The following SNX4 variants were observed in gnomAD, a reference collection of about 807,000 sequenced individuals.
SNX4 encodes the protein sorting nexin 4.
SNX4 carries 49 observed loss-of-function variants against 70.8 expected under a neutral mutation model. That is an observed-to-expected ratio of 0.69 (90% CI 0.55 to 0.88). The LOEUF is 0.88. Ranked by LOEUF, SNX4 falls within the 40% of genes least tolerant of loss-of-function variation. SNX4 has a pLI of 0.00. For missense variants in SNX4, 528 were observed against 544.8 expected, an observed-to-expected ratio of 0.97 and a Z score of 0.31; for synonymous variants, 206 against 183.8, an observed-to-expected ratio of 1.12 and a Z score of -0.98.
At chr3:125,460,736 C>T (rs746482605) in intron 10 of SNX4, 35 bp downstream of exon 10, 13 of 1,065,430 alleles carry the variant, frequency 1.2e-5, no homozygotes, top group South Asian at 4.8e-5. Flanking sequence ...GGTGAACAAC[C>T]CTGTGGCTGC....
chr3:125,452,136 C>G (rs966987564), intron 12 of SNX4, among the ~76,000 whole-genome samples: 1 of 151,112 alleles, frequency 6.6e-6, no homozygotes, highest in Non-Finnish European at 1.5e-5. Flanking sequence ...GACCAAGTCT[C>G]GCTCTGTAGC....
chr3:125,494,896 C>T (rs966581653), intron 5 of SNX4, among the ~76,000 whole-genome samples: 17 of 152,104 alleles, frequency 1.1e-4, no homozygotes, highest in African/African-American at 3.6e-4. Context: ...ACCCATTCTG[C>T]GATGTGTGAC....
chr3:125,461,431 A>C (rs1179638013), intron 9 of SNX4, among the ~76,000 whole-genome samples: 2 of 152,202 alleles, frequency 1.3e-5, no homozygotes, highest in Non-Finnish European at 2.9e-5. Flanking sequence ...TAAACAAACA[A>C]AAAAATGGTC....
At chr3:125,519,099 G>T (rs1935341235) in intron 1 of SNX4, among the ~76,000 whole-genome samples, 1 of 152,138 alleles carries the variant, frequency 6.6e-6, no homozygotes, top group Admixed American at 6.5e-5. Context: ...GCTGAGGCAG[G>T]AGGATTGTTT....
At chr3:125,488,291 C>T (rs1055177770) in intron 6 of SNX4, among the ~76,000 whole-genome samples, 1 of 150,052 alleles carries the variant, frequency 6.7e-6, no homozygotes, top group Non-Finnish European at 1.5e-5. Flanking sequence ...GCCTGGCTAA[C>T]ACGGCAAAAC....
At chr3:125,477,236 G>A (rs1286382875) in intron 7 of SNX4, among the ~76,000 whole-genome samples, 1 of 152,104 alleles carries the variant, frequency 6.6e-6, no homozygotes, top group East Asian at 1.9e-4. Context: ...AATTAACCAA[G>A]GGAACGGATA....
At chr3:125,479,542 G>T (rs1348877446) in intron 7 of SNX4, among the ~76,000 whole-genome samples, 2 of 151,482 alleles carry the variant, frequency 1.3e-5, no homozygotes, top group African/African-American at 4.9e-5. Flanking sequence ...GTGACAGAGC[G>T]AGACTCCATC....
intron 9 of SNX4, among the ~76,000 whole-genome samples, chr3:125,466,075 T>G (rs898379913): frequency 6.6e-6 from 1 of 152,250 alleles, no homozygotes; most frequent in African/African-American, 2.4e-5. Context: ...TAGTTTTCAC[T>G]GTAGAGGTCT....
At chr3:125,455,392 A>T (rs1050487549) in intron 11 of SNX4, among the ~76,000 whole-genome samples, 9 of 152,246 alleles carry the variant, frequency 5.9e-5, no homozygotes, top group African/African-American at 2.2e-4. Flanking sequence ...AAGCATATTT[A>T]AAATCTGCAT....
At chr3:125,481,041 A>G (rs78206738) in intron 6 of SNX4, among the ~76,000 whole-genome samples, 7,316 of 152,166 alleles carry the variant, frequency 0.048, 414 homozygotes, top group African/African-American at 0.13. Flanking sequence ...CAACACACCC[A>G]GCTATTAACA....
intron 10 of SNX4, among the ~76,000 whole-genome samples, chr3:125,457,572 CTT>C (rs1005344428): frequency 2.1e-4 from 23 of 110,418 alleles, no homozygotes; most frequent in South Asian, 9.6e-4. Context: ...TTCATATATT[CTT>C]TTTTTTTTTT....
At chr3:125,502,445 A>G (rs1934949286) in intron 2 of SNX4, among the ~76,000 whole-genome samples, 1 of 152,090 alleles carries the variant, frequency 6.6e-6, no homozygotes, top group Non-Finnish European at 1.5e-5. Flanking sequence ...ATCTTCACCA[A>G]GATTTAAACT....
At chr3:125,482,359 C>T (rs1285956350) in intron 6 of SNX4, among the ~76,000 whole-genome samples, 1 of 152,188 alleles carries the variant, frequency 6.6e-6, no homozygotes, top group African/African-American at 2.4e-5. Context: ...AGAATGAAAA[C>T]CTGAGTGCAT....
At chr3:125,507,074 C>A (rs901978513) in intron 1 of SNX4, among the ~76,000 whole-genome samples, 1 of 149,570 alleles carries the variant, frequency 6.7e-6, no homozygotes, top group Non-Finnish European at 1.5e-5. Flanking sequence ...TGGTGGCGGG[C>A]GCTTGTAATC....
intron 10 of SNX4, among the ~76,000 whole-genome samples, chr3:125,459,060 G>C (rs1933808441): frequency 6.6e-6 from 1 of 152,054 alleles, no homozygotes; most frequent in Non-Finnish European, 1.5e-5. Flanking sequence ...TGTAATCCCA[G>C]CTGCTTGGGA....
chr3:125,465,803 C>T (rs970893397), intron 9 of SNX4, among the ~76,000 whole-genome samples: 4 of 151,990 alleles, frequency 2.6e-5, no homozygotes, highest in African/African-American at 4.8e-5. Context: ...CCACCACACC[C>T]GGCTAATTTT....
chr3:125,474,392 A>G (rs753132260), intron 8 of SNX4, among the ~76,000 whole-genome samples: 20 of 152,222 alleles, frequency 1.3e-4, no homozygotes, highest in Non-Finnish European at 2.2e-4. Flanking sequence ...ATCATAGCTC[A>G]CTATAACCTT....
rs375551326 is a variant in SNX4, at chr3:125,460,780, T to C, written c.935A>G (p.Glu312Gly). The C allele has an allele frequency of 1.4e-5, 22 of 1,536,016 alleles. No homozygotes were observed. The highest frequency in any genetic ancestry group is 1.7e-5 in the Non-Finnish European group (19 of 1,135,524). The change falls in exon 10 of 14, where the codon GAA (glutamate) becomes GGA (glycine). Residue 312 changes from glutamate (E) to glycine (G), a missense_variant. Around this residue, in one of 3 missense-constraint regions of SNX4, gnomAD observed 159 missense variants for 172.6 expected, o/e 0.92. Transcript: ENST00000251775. ...DQLKEYLFYAEALRAVCRKHE... is the reference protein window; with the variant it reads ...DQLKEYLFYAGALRAVCRKHE... The stretch of plus-strand genomic sequence containing the variant: ...CTTTTATTAAACTTACCGCAATGCT[T>C]CTGCATAAAAAAGATACTCTTTTAA...
At chr3:125,479,646 T>C (rs992901542) in intron 7 of SNX4, among the ~76,000 whole-genome samples, 2 of 152,158 alleles carry the variant, frequency 1.3e-5, no homozygotes, top group African/African-American at 4.8e-5. Flanking sequence ...TCCTAGTCTC[T>C]TTCAATGCCT....
Sources: gnomAD v4.1 joint callset for allele counts (sites outside exome capture counted in the v4.1 genomes callset) on GRCh38, gnomAD v4.1.1 for gene constraint, gnomAD v4.1.1 regional missense constraint, MANE v1.5 for transcripts, NCBI Gene and HGNC (gene_info 2026-07-23, HGNC 2026-07-21) for gene names.